Variants in KAZN observed in about 807,000 individuals in gnomAD.
The protein encoded by KAZN is kazrin.
A neutral mutation model predicts 87.4 loss-of-function variants in KAZN; 40 were observed. That is an observed-to-expected ratio of 0.46 (90% CI 0.36 to 0.60). The LOEUF is 0.60. KAZN is among the 20% of genes least tolerant of loss of function. The pLI is 0.00. For missense variants in KAZN, 898 were observed against 1,073.9 expected, an observed-to-expected ratio of 0.84 and a Z score of 2.29; for synonymous variants, 466 against 458.3, an observed-to-expected ratio of 1.02 and a Z score of -0.22.
upstream of KAZN, among the ~76,000 whole-genome samples, chr1:14,595,448 C>G (rs1003236801): frequency 4.6e-5 from 7 of 151,988 alleles, no homozygotes; most frequent in African/African-American, 1.7e-4. Context: ...GAGGCCGAGG[C>G]AGGTGGATTG....
At chr1:14,019,425 G>A (rs7551028) in intron 1 of KAZN, among the ~76,000 whole-genome samples, 3,376 of 152,236 alleles carry the variant, frequency 0.022, 117 homozygotes, top group African/African-American at 0.076. Flanking sequence ...GGCATGGGCT[G>A]GGGTATTTAT....
At chr1:14,799,323 T>C (rs893905067) in intron 1 of KAZN, among the ~76,000 whole-genome samples, 1 of 152,236 alleles carries the variant, frequency 6.6e-6, no homozygotes, top group African/African-American at 2.4e-5. Context: ...CTGCAGAAGC[T>C]GAAATGGGTA....
At chr1:14,674,340 A>G (rs1483413386) in intron 1 of KAZN, among the ~76,000 whole-genome samples, 1 of 152,232 alleles carries the variant, frequency 6.6e-6, no homozygotes, top group Non-Finnish European at 1.5e-5. Context: ...TGTGGTCACC[A>G]AAAGAACCAT....
At chr1:15,100,644 A>G (rs866336445) in intron 10 of KAZN, among the ~76,000 whole-genome samples, 1 of 152,200 alleles carries the variant, frequency 6.6e-6, no homozygotes, top group Admixed American at 6.5e-5. Context: ...TACGTGGTAC[A>G]GGGGTCATTT....
chr1:14,377,288 T>C (rs1557674431), intron 2 of KAZN, among the ~76,000 whole-genome samples: 1 of 152,204 alleles, frequency 6.6e-6, no homozygotes, highest in Non-Finnish European at 1.5e-5. Context: ...CTTAAGCTTC[T>C]GTCTGTTCCA....
chr1:14,716,698 C>A (rs537382278), intron 1 of KAZN, among the ~76,000 whole-genome samples: 1 of 152,280 alleles, frequency 6.6e-6, no homozygotes, highest in African/African-American at 2.4e-5. Context: ...CTGAGCCGTC[C>A]TTTCCTGTGT....
In KAZN at chr1:15,066,699, C is replaced by T. The variant is rs1452756921; in HGVS notation, c.1222+946C>T. On this transcript the variant is annotated intron_variant, in intron 8 of 14. Transcript: ENST00000376030. The surrounding 1 kb of genome is among the most constrained non-coding windows in gnomAD (Gnocchi z 4.3). ...GGCGGGAGGTGGGTGTCTCTGTTGA[C>T]TTGTCTGTTCTGTTACCATGCTGCT... is the stretch of plus-strand genomic sequence containing the variant. The T allele has an allele frequency of 1.0e-6, 1 of 985,254 alleles. No homozygotes were observed. The highest frequency in any genetic ancestry group is 1.2e-6 in the Non-Finnish European group (1 of 829,928). The allele number at this position is 985,254 out of a possible 1,614,324, so 61.0% of individuals were successfully genotyped here. A position where few individuals can be genotyped will look rare whatever the true frequency, so the allele number is the denominator to read the frequency against.
chr1:14,482,937 CTTTA>C (rs1036475694), intron 2 of KAZN, among the ~76,000 whole-genome samples: 1 of 152,174 alleles, frequency 6.6e-6, no homozygotes, highest in African/African-American at 2.4e-5. Context: ...TACATAACCT[CTTTA>C]TTTATACCTT....
At chr1:14,983,027 C>T (rs577110930) in intron 2 of KAZN, among the ~76,000 whole-genome samples, 2 of 152,302 alleles carry the variant, frequency 1.3e-5, no homozygotes, top group African/African-American at 4.8e-5. Flanking sequence ...TGCAGCTTGT[C>T]CTTGATCATG....
intron 2 of KAZN, among the ~76,000 whole-genome samples, chr1:14,471,540 T>C (rs935967874): frequency 6.6e-6 from 1 of 152,078 alleles, no homozygotes; most frequent in African/African-American, 2.4e-5. Flanking sequence ...TTGGGGAACG[T>C]TGAGTAGAGG....
At chr1:14,492,411 C>T (rs896683488) in intron 2 of KAZN, among the ~76,000 whole-genome samples, 2 of 151,856 alleles carry the variant, frequency 1.3e-5, no homozygotes, top group African/African-American at 4.8e-5. Context: ...AATGATTCTT[C>T]AGCACCTGCC....
intron 1 of KAZN, among the ~76,000 whole-genome samples, chr1:14,125,932 G>C (rs900196090): frequency 7.5e-6 from 1 of 132,614 alleles, no homozygotes; most frequent in Non-Finnish European, 1.6e-5. Context: ...TGCAGCCTCC[G>C]TCAGTAAGGC....
chr1:13,941,883 A>G (rs1640941567), intron 1 of KAZN, among the ~76,000 whole-genome samples: 1 of 152,178 alleles, frequency 6.6e-6, no homozygotes, highest in Admixed American at 6.5e-5. Flanking sequence ...ATGTTAGTCC[A>G]ATTTTCTGCT....
At chr1:14,783,077 C>T (rs72636669) in intron 1 of KAZN, among the ~76,000 whole-genome samples, 11,198 of 152,012 alleles carry the variant, frequency 0.074, 511 homozygotes, top group African/African-American at 0.12. Context: ...AAAATTGCTG[C>T]CTTTAGGGGG....
chr1:14,465,250 T>A (rs978867263), intron 2 of KAZN, among the ~76,000 whole-genome samples: 38 of 151,556 alleles, frequency 2.5e-4, no homozygotes, highest in African/African-American at 9.2e-4. Context: ...ATACAAAAAA[T>A]TGGCCAGGCA....
intron 1 of KAZN, among the ~76,000 whole-genome samples, chr1:13,965,339 C>T (rs986293115): frequency 2.6e-5 from 4 of 152,080 alleles, no homozygotes; most frequent in Non-Finnish European, 2.9e-5. Context: ...TGCCCCTAGA[C>T]GCTGTGGGAC....
At chr1:14,193,340 G>T (rs1646460472) in intron 2 of KAZN, among the ~76,000 whole-genome samples, 1 of 152,172 alleles carries the variant, frequency 6.6e-6, no homozygotes, top group African/African-American at 2.4e-5. Context: ...AGACAAATAT[G>T]CACAGAGGTG....
intron 1 of KAZN, among the ~76,000 whole-genome samples, chr1:14,702,632 G>A (rs556399737): frequency 3.9e-5 from 6 of 152,160 alleles, no homozygotes; most frequent in Non-Finnish European, 7.4e-5. Flanking sequence ...ACAGAGTATC[G>A]TGTATCGATA....
chr1:14,736,299 G>GTGTGTGTGTATA (rs1214411509), intron 1 of KAZN, among the ~76,000 whole-genome samples: 1 of 121,096 alleles, frequency 8.3e-6, no homozygotes, highest in African/African-American at 3.3e-5. Context: ...GTGTGTGTGT[G>GTGTGTGTGTATA]TATATTTTTT....
Sources: allele counts gnomAD v4.1 joint callset (sites outside exome capture counted in the v4.1 genomes callset), GRCh38; gene constraint gnomAD v4.1.1; non-coding constraint Gnocchi (gnomAD v3.1); transcripts MANE v1.5; gene names NCBI Gene and HGNC (gene_info 2026-07-23, HGNC 2026-07-21).